MAB21L1: variants seen among roughly 807,000 people sequenced by gnomAD.
MAB21L1 encodes putative nucleotidyltransferase MAB21L1.
Under a neutral mutation model 28.9 loss-of-function variants are expected in MAB21L1, and 8 were observed. The observed-to-expected ratio is 0.28, with a 90% CI of 0.16 to 0.50. The LOEUF (loss-of-function observed/expected upper bound fraction) is 0.50. MAB21L1 is among the 20% of genes least tolerant of loss of function. MAB21L1 has a pLI of 0.98. For missense variants in MAB21L1, 388 were observed against 466.5 expected, an observed-to-expected ratio of 0.83 and a Z score of 1.55; for synonymous variants, 219 against 198.2, an observed-to-expected ratio of 1.10 and a Z score of -0.88.
chr13:35,476,237 G>C lies in MAB21L1; in HGVS notation c.-99C>G. On this transcript the variant is annotated 5_prime_UTR_variant, in exon 1 of 1. Transcript: ENST00000379919. The stretch of plus-strand genomic sequence containing the variant: ...GGAGCCAACTTCGGTGGAGAAACGG[G>C]CCGCAACACTCAGAAATGGATCAAA... 1 of 1,570,080 alleles carries C rather than the reference G, an allele frequency of 6.4e-7. No individual in the cohort carries two copies. Among genetic ancestry groups the C allele is most frequent in the Non-Finnish European group, 8.8e-7 (1 of 1,141,884 alleles).
In MAB21L1 at chr13:35,475,324, T is replaced by C. The variant is rs767078710; in HGVS notation, c.815A>G (p.Tyr272Cys). Reference protein sequence around the residue: ...LELPGQPLNNYHMKTLVSYEC... With the variant: ...LELPGQPLNNCHMKTLVSYEC... ...GTAGGAAACCAGAGTCTTCATATGG[T>C]AATTGTTCAAGGGCTGGCCCGGCAG... is the stretch of plus-strand genomic sequence containing the variant. The change falls in exon 1 of 1, where the codon TAC (tyrosine) becomes TGC (cysteine). Residue 272 changes from tyrosine (Y) to cysteine (C), a missense_variant. By Grantham distance (194) the Tyr-to-Cys change is radical. Transcript: ENST00000379919. 3.3e-5 allele frequency: 53 copies of C among 1,613,898 alleles called. No individual in the cohort carries two copies. The highest frequency in any genetic ancestry group is 4.3e-5 in the Non-Finnish European group (51 of 1,180,008).
rs779375523 is a variant in MAB21L1, at chr13:35,475,949, C to T, written c.190G>A (p.Glu64Lys). The change falls in exon 1 of 1, where the codon GAG (glutamate) becomes AAG (lysine). Residue 64 changes from glutamate (E) to lysine (K), a missense_variant. Physicochemically the swap from Glu to Lys is moderately conservative, Grantham distance 56. Coordinates refer to ENST00000379919, the MANE Select transcript of MAB21L1 (RefSeq NM_005584.5). ...SSLNEMDNRY[E>K]GLEVISPTEF... The stretch of plus-strand genomic sequence containing the variant: ...GTGGGGGAGATGACCTCGAGGCCCT[C>T]GTAGCGATTGTCCATCTCGTTGAGA... The T allele has an allele frequency of 1.2e-6, 2 of 1,614,028 alleles. No individual in the cohort carries two copies. Among genetic ancestry groups the T allele is most frequent in the Admixed American group, 1.7e-5 (1 of 60,002 alleles).
In MAB21L1 at chr13:35,476,296, C is replaced by CCTGCTGCTGCTGCTGTTG; in HGVS notation, c.-159_-158insCAACAGCAGCAGCAGCAG. Reference sequence around the variant, plus strand: ...TCGGAAGTGCTGCAGCGTTGGTTTCCCTGCTGCTGCTGCTGCTGCTGCTGC... The same window carrying CCTGCTGCTGCTGCTGTTG: ...TCGGAAGTGCTGCAGCGTTGGTTTCCCTGCTGCTGCTGCTGTTGCTGCTGCTGCTGCTGCTGCTGCTGC... On this transcript the variant is annotated 5_prime_UTR_variant, in exon 1 of 1. Transcript: ENST00000379919. 2 of 960,316 alleles carry CCTGCTGCTGCTGCTGTTG rather than the reference C, an allele frequency of 2.1e-6. No individual in the cohort carries two copies. The highest frequency in any genetic ancestry group is 3.3e-6 in the Non-Finnish European group (2 of 615,034). The allele number at this position is 960,316 out of a possible 1,614,324, so 59.5% of individuals were successfully genotyped here. A position where few individuals can be genotyped will look rare whatever the true frequency, so the allele number is the denominator to read the frequency against.
chr13:35,474,813 A>G lies in MAB21L1; in HGVS notation c.*246T>C. 2.1e-6 allele frequency: 1 copy of G among 476,296 alleles called. No individual in the cohort carries two copies. Among genetic ancestry groups the G allele is most frequent in the Non-Finnish European group, 3.7e-6 (1 of 269,926 alleles). 29.5% of individuals were successfully genotyped at this position (476,296 alleles called of 1,614,324 possible). On this transcript the variant is annotated 3_prime_UTR_variant, in exon 1 of 1. Transcript: ENST00000379919. ...TGTTACGGTGTACTTTTCAAGGGAG[A>G]TAGGAAATCGTGTGGAAAGAAGTCT...
At position 35,475,878 on chromosome 13, in the gene MAB21L1, G is replaced by A. The variant is rs371969813; in HGVS notation, c.261C>T (p.Asn87=). ...CGGGCAGTGAGCCATCGTCCACGAA[G>A]TTGAACACCCCCATTTGGTTGAGAT... ...VLYLNQMGVF[N]FVDDGSLPGC... Residue 87 remains asparagine (N), a synonymous_variant, in exon 1 of 1, where the codon AAC becomes AAT. Transcript: ENST00000379919. 3.2e-5 allele frequency: 51 copies of A among 1,614,010 alleles called. 1 individual carries two copies. The highest frequency in any genetic ancestry group is 5.9e-6 in the Non-Finnish European group (7 of 1,180,046).
rs956325102 is a variant in MAB21L1 at position 35,475,030 on chromosome 13, A to G, written c.*29T>C. 5.0e-6 allele frequency: 8 copies of G among 1,595,120 alleles called. No homozygotes were observed. The African/African-American group carries it at 8.1e-5, about 16-fold the overall frequency. On this transcript the variant is annotated 3_prime_UTR_variant, in exon 1 of 1. Transcript: ENST00000379919. ...CTTAATAAGGACTTTGAGAAGGGTA[A>G]TAATTTCGGCTCTTGATTAAATCAT...
In MAB21L1 at chr13:35,474,795, G is replaced by C. The variant is rs926970128; in HGVS notation, c.*264C>G. ...GCTGGGCTGTTTACGGAGTGTTACG[G>C]TGTACTTTTCAAGGGAGATAGGAAA... On this transcript the variant is annotated 3_prime_UTR_variant, in exon 1 of 1. Transcript: ENST00000379919. The C allele has an allele frequency of 2.3e-6, 1 of 432,484 alleles. No individual in the cohort carries two copies. Among genetic ancestry groups the C allele is most frequent in the Non-Finnish European group, 4.1e-6 (1 of 242,664 alleles). The allele number at this position is 432,484 out of a possible 1,614,324, so 26.8% of individuals were successfully genotyped here.
chr13:35,476,419 G>A lies in MAB21L1; in HGVS notation c.-281C>T. ...AGTGAAAGACTGTCCTCCCCCCTCTGCTTGTCTCTCTTCCTCTTTTAAAGA... is the reference window on the plus strand; with the variant it reads ...AGTGAAAGACTGTCCTCCCCCCTCTACTTGTCTCTCTTCCTCTTTTAAAGA... On this transcript the variant is annotated 5_prime_UTR_variant, in exon 1 of 1. Coordinates refer to ENST00000379919, the MANE Select transcript of MAB21L1 (RefSeq NM_005584.5). 1 of 967,266 alleles carries A rather than the reference G, an allele frequency of 1.0e-6. No homozygotes were observed. The highest frequency in any genetic ancestry group is 1.6e-6 in the Non-Finnish European group (1 of 616,178). The allele number at this position is 967,266 out of a possible 1,614,324, so 59.9% of individuals were successfully genotyped here. A position where few individuals can be genotyped will look rare whatever the true frequency, so the allele number is the denominator to read the frequency against.
rs764522918 is a variant in MAB21L1 at position 35,475,527 on chromosome 13, C to G, written c.612G>C (p.Lys204Asn). 1 of 1,612,942 alleles carries G rather than the reference C, an allele frequency of 6.2e-7. No homozygotes were observed. The highest frequency in any genetic ancestry group is 8.5e-7 in the Non-Finnish European group (1 of 1,179,926). ...TGGACAAGAGATTGAAACCTTCCGC[C>G]TTGACCTCCGCCACCCGGTTGGGTC... Reference protein sequence around the residue: ...WPGPNRVAEVKAEGFNLLSKE... With the variant: ...WPGPNRVAEVNAEGFNLLSKE... Residue 204 changes from lysine to asparagine, a missense_variant, in exon 1 of 1, where the codon AAG becomes AAC. Around this residue, in one of 3 missense-constraint regions of MAB21L1, gnomAD observed 218 missense variants for 220.6 expected, o/e 0.99. Transcript: ENST00000379919.
rs2075856888 is a variant in MAB21L1 at position 35,476,205 on chromosome 13, T to C, written c.-67A>G. The C allele has an allele frequency of 1.9e-6, 3 of 1,610,066 alleles. No homozygotes were observed. The highest frequency in any genetic ancestry group is 2.2e-5 in the East Asian group (1 of 44,848). The stretch of plus-strand genomic sequence containing the variant: ...AAGCTGTGGGATCCAATGCGGCTGC[T>C]AGAGCTGGAGCCAACTTCGGTGGAG... On this transcript the variant is annotated 5_prime_UTR_variant, in exon 1 of 1. Coordinates refer to ENST00000379919, the MANE Select transcript of MAB21L1 (RefSeq NM_005584.5).
Position 35,475,256 on chromosome 13 carries a change from A to G in MAB21L1, c.883T>C (p.Cys295Arg). 6.2e-7 allele frequency: 1 copy of G among 1,613,964 alleles called. No homozygotes were observed. The highest frequency in any genetic ancestry group is 1.1e-5 in the South Asian group (1 of 91,046). The change falls in exon 1 of 1, where the codon TGC (cysteine) becomes CGC (arginine). Residue 295 changes from cysteine (C) to arginine (R), a missense_variant. This residue lies in a region of MAB21L1 where 218 missense variants were observed against 220.6 expected (regional missense o/e 0.99). Transcript: ENST00000379919. ...HPRESDWDES[C>R]LGDRLNGILL... Reference sequence around the variant, plus strand: ...ATCCCGTTCAGCCGATCACCCAGGCAAGACTCGTCCCAGTCCGACTCTCGG... The same window carrying G: ...ATCCCGTTCAGCCGATCACCCAGGCGAGACTCGTCCCAGTCCGACTCTCGG...
In MAB21L1 at chr13:35,475,334, A is replaced by G. The variant is rs1252950963; in HGVS notation, c.805T>C (p.Leu269=). The G allele has an allele frequency of 1.2e-6, 2 of 1,614,020 alleles. No individual in the cohort carries two copies. Among genetic ancestry groups the G allele is most frequent in the East Asian group, 4.5e-5 (2 of 44,846 alleles). ...AGAGTCTTCATATGGTAATTGTTCA[A>G]GGGCTGGCCCGGCAGTTCAAGGTGA... ...DRHLELPGQP[L]NNYHMKTLVS... Residue 269 remains leucine (L), a synonymous_variant, in exon 1 of 1, where the codon TTG becomes CTG. Coordinates refer to ENST00000379919, the MANE Select transcript of MAB21L1 (RefSeq NM_005584.5).
chr13:35,474,983 A>G lies in MAB21L1; in HGVS notation c.*76T>C. 6.9e-7 allele frequency: 1 copy of G among 1,451,892 alleles called. No homozygotes were observed. The highest frequency in any genetic ancestry group is 2.3e-5 in the East Asian group (1 of 43,832). The allele number at this position is 1,451,892 out of a possible 1,614,324, so 89.9% of individuals were successfully genotyped here. ...TGTTTGCACTGCGGAGTGGAATATT[A>G]GGAATTGAACAGAAGTTTACACTTA... On this transcript the variant is annotated 3_prime_UTR_variant, in exon 1 of 1. Coordinates refer to ENST00000379919, the MANE Select transcript of MAB21L1 (RefSeq NM_005584.5).
Position 35,475,926 on chromosome 13 carries a change from G to A in MAB21L1, c.213C>T (p.Pro71=), listed in dbSNP as rs141042514. The change falls in exon 1 of 1, where the codon CCC becomes CCT. Residue 71 remains proline (P), a synonymous_variant. Transcript: ENST00000379919. ...NRYEGLEVIS[P]TEFEVVLYLN... is the part of the protein sequence containing the mutation. ...GATAAAGCACCACTTCAAATTCGGT[G>A]GGGGAGATGACCTCGAGGCCCTCGT... is the stretch of plus-strand genomic sequence containing the variant. The A allele has an allele frequency of 1.3e-5, 21 of 1,614,054 alleles. No individual in the cohort carries two copies. Among genetic ancestry groups the A allele is most frequent in the African/African-American group, 1.3e-5 (1 of 74,918 alleles).
Position 35,476,425 on chromosome 13 carries a change from C to A in MAB21L1, c.-287G>T, listed in dbSNP as rs2075876236. On this transcript the variant is annotated 5_prime_UTR_variant, in exon 1 of 1. Coordinates refer to ENST00000379919, the MANE Select transcript of MAB21L1 (RefSeq NM_005584.5). ...AGACTGTCCTCCCCCCTCTGCTTGT[C>A]TCTCTTCCTCTTTTAAAGAATCCTT... 9.4e-6 allele frequency: 9 copies of A among 952,978 alleles called. No homozygotes were observed. The East Asian group carries it at 2.3e-4, about 25-fold the overall frequency. 59.0% of individuals were successfully genotyped at this position (952,978 alleles called of 1,614,324 possible).
rs555657973 is a variant in MAB21L1, at chr13:35,474,816, G to A, written c.*243C>T. The A allele has an allele frequency of 1.2e-4, 58 of 486,248 alleles. No individual in the cohort carries two copies. The East Asian group carries it at 1.6e-3, about 14-fold the overall frequency. The allele number at this position is 486,248 out of a possible 1,614,324, so 30.1% of individuals were successfully genotyped here. ...TACGGTGTACTTTTCAAGGGAGATA[G>A]GAAATCGTGTGGAAAGAAGTCTTCT... On this transcript the variant is annotated 3_prime_UTR_variant, in exon 1 of 1. Transcript: ENST00000379919.
Position 35,475,216 on chromosome 13 carries a change from A to G in MAB21L1, c.923T>C (p.Ile308Thr). 1 of 1,613,952 alleles carries G rather than the reference A, an allele frequency of 6.2e-7. No homozygotes were observed. Among genetic ancestry groups the G allele is most frequent in the Non-Finnish European group, 8.5e-7 (1 of 1,180,002 alleles). Residue 308 changes from isoleucine (I) to threonine (T), a missense_variant, in exon 1 of 1, where the codon ATC becomes ACC. By Grantham distance (89) the Ile-to-Thr change is moderately conservative. This residue lies in a region of MAB21L1 where 218 missense variants were observed against 220.6 expected (regional missense o/e 0.99). Transcript: ENST00000379919. The stretch of plus-strand genomic sequence containing the variant: ...ACACCGCCGGCACTGCAGGCAGGAG[A>G]TAAGTTGCAGCAAAATCCCGTTCAG... ...DRLNGILLQL[I>T]SCLQCRRCPH...
At position 35,475,338 on chromosome 13, in the gene MAB21L1, C is replaced by T; in HGVS notation, c.801G>A (p.Gln267=). ...TCTTCATATGGTAATTGTTCAAGGG[C>T]TGGCCCGGCAGTTCAAGGTGACGAT... The part of the protein sequence containing the change: ...LRDRHLELPG[Q]PLNNYHMKTL... The change falls in exon 1 of 1, where the codon CAG becomes CAA. Residue 267 remains glutamine (Q), a synonymous_variant. Transcript: ENST00000379919. 1 of 1,614,036 alleles carries T rather than the reference C, an allele frequency of 6.2e-7. No individual in the cohort carries two copies. The highest frequency in any genetic ancestry group is 1.6e-4 in the Middle Eastern group (1 of 6,062).
chr13:35,475,880 T>A lies in MAB21L1; in HGVS notation c.259A>T (p.Asn87Tyr), dbSNP rs2075840271. The change falls in exon 1 of 1, where the codon AAC becomes TAC. Residue 87 changes from asparagine to tyrosine, a missense_variant. Asn to Tyr is a moderately radical substitution (Grantham distance 143). Transcript: ENST00000379919. ...GGCAGTGAGCCATCGTCCACGAAGT[T>A]GAACACCCCCATTTGGTTGAGATAA... ...VLYLNQMGVF[N>Y]FVDDGSLPGC... 1 of 1,613,898 alleles carries A rather than the reference T, an allele frequency of 6.2e-7. No individual in the cohort carries two copies. The highest frequency in any genetic ancestry group is 8.5e-7 in the Non-Finnish European group (1 of 1,180,030).
Sources: gnomAD v4.1 joint callset for allele counts on GRCh38, gnomAD v4.1.1 for gene constraint, gnomAD v4.1.1 regional missense constraint, MANE v1.5 for transcripts, NCBI Gene and HGNC (gene_info 2026-07-23, HGNC 2026-07-21) for gene names.